Variants in JPH1 observed in about 807,000 individuals in gnomAD.
JPH1 encodes junctophilin 1, also known as junctophilin-1.
A neutral mutation model predicts 53.6 loss-of-function variants in JPH1; 12 were observed. The ratio of observed to expected loss-of-function variants is 0.22; its 90% CI spans 0.14 to 0.36. The LOEUF is 0.36. Among genes scored for constraint, JPH1 ranks in the 10% least tolerant of loss-of-function variants. The pLI, the probability that JPH1 is intolerant of heterozygous loss-of-function variation, is 1.00. For synonymous variants in JPH1, 375 were observed against 363.8 expected (o/e 1.03, Z -0.35); for missense variants, 808 against 905.5 (o/e 0.89, Z 1.38).
intron 2 of JPH1, among the ~76,000 whole-genome samples, chr8:74,284,863 C>T (rs4738441): frequency 0.26 from 38,977 of 147,136 alleles, 5,202 homozygotes; most frequent in Middle Eastern, 0.31. Flanking sequence ...CTCACTCTGT[C>T]ACCCAGGCTG....
intron 2 of JPH1, among the ~76,000 whole-genome samples, chr8:74,262,885 G>A (rs980166849): frequency 2.0e-5 from 3 of 152,176 alleles, no homozygotes; most frequent in African/African-American, 7.2e-5. Context: ...GGGAATTTCT[G>A]AATGCTAGGC....
chr8:74,260,860 G>A lies in JPH1; in HGVS notation c.1140-1357C>T, dbSNP rs1387481396. ...AGGATCTAAGCAAGCCTGAAGGCTT[G>A]ATGTATTAGAATGTAAGCTTTGTGA... On this transcript the variant is annotated intron_variant, in intron 2 of 5. Coordinates refer to ENST00000342232, the MANE Select transcript of JPH1 (RefSeq NM_020647.4). Among the ~76,000 whole-genome samples, 6 of 152,196 alleles carry A rather than the reference G, an allele frequency of 3.9e-5. 1 individual carries two copies. Among genetic ancestry groups the A allele is most frequent in the African/African-American group, 1.4e-4 (6 of 41,466 alleles).
intron 2 of JPH1, among the ~76,000 whole-genome samples, chr8:74,265,480 A>G (rs1382696336): frequency 6.6e-6 from 1 of 152,166 alleles, no homozygotes; most frequent in Non-Finnish European, 1.5e-5. Flanking sequence ...ATTCTACTTC[A>G]TTGTGCTTTA....
In JPH1 at chr8:74,250,738, A is replaced by C. The variant is rs187081109; in HGVS notation, c.1259-5563T>G. On this transcript the variant is annotated intron_variant, in intron 3 of 5. Coordinates refer to ENST00000342232, the MANE Select transcript of JPH1 (RefSeq NM_020647.4). ...CCAAAAGATTGGACACCCTTGCTCT[A>C]AAGCCTATGTCACCCTTGCTGGCAT... Among the ~76,000 whole-genome samples the C allele has an allele frequency of 1.5e-3, 231 of 152,306 alleles. 1 individual carries two copies. Among genetic ancestry groups the C allele is most frequent in the African/African-American group, 5.3e-3 (222 of 41,568 alleles).
In JPH1 at chr8:74,244,888, A is replaced by T; in HGVS notation, c.1546T>A (p.Ser516Thr). 6.2e-7 allele frequency: 1 copy of T among 1,614,116 alleles called. No individual in the cohort carries two copies. The highest frequency in any genetic ancestry group is 8.5e-7 in the Non-Finnish European group (1 of 1,180,040). Residue 516 changes from serine to threonine, a missense_variant, in exon 4 of 6, where the codon TCA (serine) becomes ACA (threonine). Physicochemically the swap from Ser to Thr is moderately conservative, Grantham distance 58 (BLOSUM62 1). Around this residue, in one of 2 missense-constraint regions of JPH1, gnomAD observed 756 missense variants for 811.9 expected, o/e 0.93. Coordinates refer to ENST00000342232, the MANE Select transcript of JPH1 (RefSeq NM_020647.4). ...CCTGCCTCCTTCGTGGGAGCCTTTG[A>T]CATCAAGGGCTTATTGACAATGGCC... ...VTAIVNKPLM[S>T]KAPTKEAGAV...
chr8:74,309,417 T>C (rs1043069682), intron 2 of JPH1, among the ~76,000 whole-genome samples: 8 of 152,128 alleles, frequency 5.3e-5, no homozygotes, highest in Non-Finnish European at 1.0e-4. Context: ...CCACCCCTCC[T>C]ACATCTTCTA....
Position 74,314,451 on chromosome 8 carries a change from C to T in JPH1, c.1139+410G>A, listed in dbSNP as rs189491591. Among the ~76,000 whole-genome samples, 166 of 152,286 alleles carry T rather than the reference C, an allele frequency of 1.1e-3. 1 individual carries two copies. The highest frequency in any genetic ancestry group is 3.9e-3 in the African/African-American group (164 of 41,542). Reference sequence around the variant, plus strand: ...GTACACATCTATACTAAGTATGTTTCTACGTGGATTGCTATTTTCTTTTGG... The same window carrying T: ...GTACACATCTATACTAAGTATGTTTTTACGTGGATTGCTATTTTCTTTTGG... On this transcript the variant is annotated intron_variant, in intron 2 of 5. Transcript: ENST00000342232.
chr8:74,268,373 G>C (rs1806597547), intron 2 of JPH1, among the ~76,000 whole-genome samples: 1 of 152,134 alleles, frequency 6.6e-6, no homozygotes, highest in Non-Finnish European at 1.5e-5. Context: ...AAGGGAAAAG[G>C]TGGCTTTGAT....
At chr8:74,265,295 C>T (rs978122825) in intron 2 of JPH1, among the ~76,000 whole-genome samples, 4 of 152,042 alleles carry the variant, frequency 2.6e-5, no homozygotes, top group East Asian at 1.9e-4. Context: ...TTGTCCATCA[C>T]CAGAACATTT....
intron 3 of JPH1, among the ~76,000 whole-genome samples, chr8:74,251,817 A>C (rs1233355852): frequency 6.6e-6 from 1 of 152,178 alleles, no homozygotes; most frequent in East Asian, 1.9e-4. Flanking sequence ...ATTGGAAAAA[A>C]CTACTTTCAA....
chr8:74,250,397 T>A (rs1300020263), intron 3 of JPH1, among the ~76,000 whole-genome samples: 2 of 152,060 alleles, frequency 1.3e-5, no homozygotes, highest in East Asian at 3.9e-4. Flanking sequence ...CCTCCCAGAG[T>A]GCTGGGATTA....
intron 3 of JPH1, among the ~76,000 whole-genome samples, chr8:74,247,369 A>C (rs1805888511): frequency 6.6e-6 from 1 of 152,220 alleles, no homozygotes; most frequent in South Asian, 2.1e-4. Flanking sequence ...AAGATAATTA[A>C]AATAGTCAAG....
intron 2 of JPH1, among the ~76,000 whole-genome samples, chr8:74,260,766 T>C (rs1431294149): frequency 6.6e-6 from 1 of 152,108 alleles, no homozygotes; most frequent in Non-Finnish European, 1.5e-5. Flanking sequence ...GAGGCCCCCT[T>C]TTCACATTAC....
At chr8:74,302,786 G>T (rs1223678498) in intron 2 of JPH1, among the ~76,000 whole-genome samples, 1 of 152,160 alleles carries the variant, frequency 6.6e-6, no homozygotes, top group Non-Finnish European at 1.5e-5. Context: ...CTGTGAACCT[G>T]GTAGGGTATT....
intron 2 of JPH1, among the ~76,000 whole-genome samples, chr8:74,304,359 ACAAAGTAATCT>A (rs1807773101): frequency 6.6e-6 from 1 of 152,224 alleles, no homozygotes; most frequent in South Asian, 2.1e-4. Flanking sequence ...TTGAGTCTTT[ACAAAGTAATCT>A]ATTAGTCCAC....
chr8:74,279,865 T>C (rs1806959779), intron 2 of JPH1, among the ~76,000 whole-genome samples: 1 of 152,236 alleles, frequency 6.6e-6, no homozygotes, highest in South Asian at 2.1e-4. Flanking sequence ...TAAAGTTCCC[T>C]TCAACTTGAA....
chr8:74,313,549 A>G (rs1160533423), intron 2 of JPH1, among the ~76,000 whole-genome samples: 1 of 139,430 alleles, frequency 7.2e-6, no homozygotes, highest in African/African-American at 2.6e-5. Context: ...TTTTAAGTAG[A>G]GGAATTAAAA....
intron 1 of JPH1, among the ~76,000 whole-genome samples, chr8:74,318,714 AG>A (rs1365560720): frequency 6.6e-6 from 1 of 152,220 alleles, no homozygotes; most frequent in Non-Finnish European, 1.5e-5. Context: ...CAGGGTGTAC[AG>A]GGATGGACAT....
chr8:74,256,666 T>C (rs772377010), intron 3 of JPH1, among the ~76,000 whole-genome samples: 62 of 152,102 alleles, frequency 4.1e-4, no homozygotes, highest in Non-Finnish European at 7.5e-4. Flanking sequence ...AAAAAGCTCA[T>C]CATCACTGTT....
Sources: allele counts gnomAD v4.1 joint callset (sites outside exome capture counted in the v4.1 genomes callset), GRCh38; gene constraint gnomAD v4.1.1; regional missense constraint gnomAD v4.1.1; transcripts MANE v1.5; gene names NCBI Gene and HGNC (gene_info 2026-07-23, HGNC 2026-07-21).